The following PPP2R3A variants were observed in gnomAD, a reference collection of about 807,000 sequenced individuals.
PPP2R3A encodes the protein protein phosphatase 2 regulatory subunit B''alpha.
In PPP2R3A, 80 loss-of-function variants were observed where a neutral mutation model predicts 106.9. That is an observed-to-expected ratio of 0.75 (90% CI 0.62 to 0.90). The LOEUF is 0.90. PPP2R3A is among the 40% of genes least tolerant of loss of function. The pLI is 0.00. For missense variants in PPP2R3A, 1,386 were observed against 1,350.4 expected (o/e 1.03, Z -0.41); for synonymous variants, 483 against 468.3 (o/e 1.03, Z -0.41).
At position 136,099,917 on chromosome 3, in the gene PPP2R3A, TAAA is replaced by T. The variant is rs553102059; in HGVS notation, c.2928-2076_2928-2074del. ...CTATGTAGATCTCAATAACAGTTCT[TAAA>T]AAAAAAAAAAAAAGAGAAGGAGGGA... On this transcript the variant is annotated intron_variant, in intron 10 of 13. Coordinates refer to ENST00000264977, the MANE Select transcript of PPP2R3A (RefSeq NM_002718.5). 8.7e-3 allele frequency among the ~76,000 whole-genome samples: 1,085 copies of T among 125,208 alleles called. 17 individuals are homozygous for T. The highest frequency in any genetic ancestry group is 0.031 in the African/African-American group (1,022 of 33,476). The allele number at this position is 125,208 out of a possible 152,430, so 82.1% of individuals were successfully genotyped here. A position where few individuals can be genotyped will look rare whatever the true frequency, so the allele number is the denominator to read the frequency against.
In PPP2R3A at chr3:136,001,254, A is replaced by G. The variant is rs1933611744; in HGVS notation, c.-245A>G. 1 of 480,926 alleles carries G rather than the reference A, an allele frequency of 2.1e-6. No individual in the cohort carries two copies. Among genetic ancestry groups the G allele is most frequent in the South Asian group, 5.0e-5 (1 of 20,072 alleles). 29.8% of individuals were successfully genotyped at this position (480,926 alleles called of 1,614,324 possible). Reference sequence around the variant, plus strand: ...TTCTGCAGTATCATAATATTACTAAATAAAATTAAAAAGCACAATTATTAA... The same window carrying G: ...TTCTGCAGTATCATAATATTACTAAGTAAAATTAAAAAGCACAATTATTAA... On this transcript the variant is annotated 5_prime_UTR_variant, in exon 2 of 14. Transcript: ENST00000264977.
chr3:136,112,834 T>C (rs1314674208), intron 13 of PPP2R3A, among the ~76,000 whole-genome samples: 1 of 152,096 alleles, frequency 6.6e-6, no homozygotes, highest in African/African-American at 2.4e-5. Context: ...AAAAAAACTA[T>C]TACAAAATTC....
chr3:136,068,853 C>T (rs911229419), intron 5 of PPP2R3A, among the ~76,000 whole-genome samples: 4 of 152,162 alleles, frequency 2.6e-5, no homozygotes, highest in Non-Finnish European at 5.9e-5. Context: ...ACCAACATCA[C>T]ATACCCTCTG....
At chr3:136,027,207 G>A (rs1934698615) in intron 3 of PPP2R3A, 109 bp downstream of exon 3, 1 of 998,582 alleles carries the variant, frequency 1.0e-6, no homozygotes, top group Non-Finnish European at 1.4e-6. Flanking sequence ...TCTTTGCTCT[G>A]TTTTTAAGCA....
In PPP2R3A at chr3:136,070,496, C is replaced by A. The variant is rs1936393540; in HGVS notation, c.2488C>A (p.Pro830Thr). ...PLLQDVVDTHPGLTFLKDAPE... is the reference protein window; with the variant it reads ...PLLQDVVDTHTGLTFLKDAPE... ...TTTTCAGGATGTGGTGGATACCCAC[C>A]CTGGTCTCACGTTCCTGAAAGATGC... Residue 830 changes from proline to threonine, a missense_variant, in exon 6 of 14, where the codon CCT (proline) becomes ACT (threonine). Transcript: ENST00000264977. 2 of 1,607,882 alleles carry A rather than the reference C, an allele frequency of 1.2e-6. No homozygotes were observed. Among genetic ancestry groups the A allele is most frequent in the Non-Finnish European group, 1.7e-6 (2 of 1,177,818 alleles).
intron 10 of PPP2R3A, among the ~76,000 whole-genome samples, chr3:136,100,075 A>G (rs1053640537): frequency 6.6e-6 from 1 of 152,168 alleles, no homozygotes; most frequent in African/African-American, 2.4e-5. Flanking sequence ...TGATATTTCA[A>G]ACTACTAAGG....
At chr3:136,096,602 T>C (rs564589451) in intron 10 of PPP2R3A, among the ~76,000 whole-genome samples, 1 of 152,404 alleles carries the variant, frequency 6.6e-6, no homozygotes, top group Non-Finnish European at 1.5e-5. Context: ...ACCTTTGTTA[T>C]GCCTAAGGGC....
In PPP2R3A at chr3:136,145,068, C is replaced by T; in HGVS notation, c.3355C>T (p.Pro1119Ser). The T allele has an allele frequency of 6.2e-7, 1 of 1,612,558 alleles. No individual in the cohort carries two copies. Among genetic ancestry groups the T allele is most frequent in the Non-Finnish European group, 8.5e-7 (1 of 1,179,482 alleles). The part of the protein sequence containing the change: ...EGFEDYETDE[P>S]ASPSEFGNKS... ...CTTTGAAGATTATGAAACAGATGAA[C>T]CTGCCTCTCCCTCTGAATTTGGAAA... The change falls in exon 14 of 14, where the codon CCT becomes TCT. Residue 1119 changes from proline (P) to serine (S), a missense_variant. Pro to Ser is a moderately conservative substitution (Grantham distance 74, BLOSUM62 -1). Coordinates refer to ENST00000264977, the MANE Select transcript of PPP2R3A (RefSeq NM_002718.5).
chr3:136,011,982 CACACACACACAT>C (rs1934099582), intron 2 of PPP2R3A, among the ~76,000 whole-genome samples: 1 of 137,454 alleles, frequency 7.3e-6, no homozygotes, highest in Non-Finnish European at 1.5e-5. Context: ...CATACACACA[CACACACACACAT>C]ACACACACAC....
intron 4 of PPP2R3A, among the ~76,000 whole-genome samples, chr3:136,046,955 A>G (rs1935490122): frequency 6.6e-6 from 1 of 152,374 alleles, no homozygotes; most frequent in East Asian, 1.9e-4. Context: ...TAATACAACT[A>G]GAAGCATTAA....
chr3:136,082,227 T>C, intron 7 of PPP2R3A, 38 bp from the exon 8 acceptor site: 1 of 1,526,120 alleles, frequency 6.6e-7, no homozygotes, highest in Non-Finnish European at 9.0e-7. Flanking sequence ...AAGCTGCTTT[T>C]TCATAATGTT....
intron 1 of PPP2R3A, among the ~76,000 whole-genome samples, chr3:135,975,899 T>G (rs1364176694): frequency 2.0e-5 from 3 of 152,206 alleles, no homozygotes; most frequent in African/African-American, 4.8e-5. Flanking sequence ...TAAGAGTAAT[T>G]AACATACTGT....
In PPP2R3A at chr3:136,001,885, T is replaced by G. The variant is rs1933637503; in HGVS notation, c.387T>G (p.Phe129Leu). The G allele has an allele frequency of 6.2e-7, 1 of 1,614,016 alleles. No individual in the cohort carries two copies. Among genetic ancestry groups the G allele is most frequent in the Non-Finnish European group, 8.5e-7 (1 of 1,180,026 alleles). The change falls in exon 2 of 14, where the codon TTT becomes TTG. Residue 129 changes from phenylalanine to leucine, a missense_variant. Coordinates refer to ENST00000264977, the MANE Select transcript of PPP2R3A (RefSeq NM_002718.5). ...GTGGGAAAATAAAAGAATTTTCCTT[T>G]GAAAAACTCAAAAACTCTAACCATG... The part of the protein sequence containing the change: ...FASGKIKEFS[F>L]EKLKNSNHAA...
At chr3:136,069,662 G>C (rs1423522393) in intron 5 of PPP2R3A, among the ~76,000 whole-genome samples, 3 of 152,114 alleles carry the variant, frequency 2.0e-5, no homozygotes, top group African/African-American at 7.2e-5. Flanking sequence ...ACTATGTATT[G>C]GTATTATAGC....
intron 5 of PPP2R3A, among the ~76,000 whole-genome samples, chr3:136,061,081 GA>G (rs1049598092): frequency 2.6e-4 from 39 of 152,140 alleles, no homozygotes; most frequent in African/African-American, 8.4e-4. Flanking sequence ...GCTGATACAA[GA>G]AAAAGCTGTT....
At chr3:136,119,711 A>G (rs1368236162) in intron 13 of PPP2R3A, among the ~76,000 whole-genome samples, 1 of 152,206 alleles carries the variant, frequency 6.6e-6, no homozygotes, top group African/African-American at 2.4e-5. Flanking sequence ...AGGAAACAAC[A>G]GATGCTGGAG....
chr3:136,106,443 AT>A, intron 13 of PPP2R3A, 121 bp downstream of exon 13: 2 of 804,252 alleles, frequency 2.5e-6, no homozygotes, highest in South Asian at 1.7e-5. Flanking sequence ...TAAAAATGTG[AT>A]TTAGCCAACT....
chr3:136,071,228 T>C (rs2107909055), intron 6 of PPP2R3A, among the ~76,000 whole-genome samples: 1 of 152,370 alleles, frequency 6.6e-6, no homozygotes, highest in Non-Finnish European at 1.5e-5. Context: ...GGCCCTGGCA[T>C]GTAGCTCAGA....
At chr3:136,005,210 T>C (rs1415062924) in intron 2 of PPP2R3A, among the ~76,000 whole-genome samples, 1 of 152,190 alleles carries the variant, frequency 6.6e-6, no homozygotes, top group Admixed American at 6.5e-5. Context: ...ACCTTCAAGC[T>C]ATGTGTATAT....
Sources: allele counts gnomAD v4.1 joint callset (sites outside exome capture counted in the v4.1 genomes callset), GRCh38; gene constraint gnomAD v4.1.1; transcripts MANE v1.5; gene names NCBI Gene and HGNC (gene_info 2026-07-23, HGNC 2026-07-21).